The following GRIK1 variants were observed in gnomAD, a reference collection of about 807,000 sequenced individuals.
GRIK1 encodes glutamate ionotropic receptor kainate type subunit 1.
In GRIK1, 69 loss-of-function variants were observed where a neutral mutation model predicts 105.7. The ratio of observed to expected loss-of-function variants is 0.65; its 90% CI spans 0.54 to 0.80. GRIK1 has a LOEUF of 0.80. Among genes scored for constraint, GRIK1 ranks in the 30% least tolerant of loss-of-function variants. The pLI is 0.00. For synonymous variants in GRIK1, 438 were observed against 431.3 expected (o/e 1.02, Z -0.19); for missense variants, 1,109 against 1,167.3 (o/e 0.95, Z 0.73).
chr21:29,716,952 G>A (rs1486494569), intron 1 of GRIK1, among the ~76,000 whole-genome samples: 4 of 152,142 alleles, frequency 2.6e-5, no homozygotes, highest in African/African-American at 4.8e-5. Flanking sequence ...GTGGTCTCCC[G>A]CTCTGTACAG....
intron 16 of GRIK1, 119 bp downstream of exon 16, chr21:29,554,933 G>A (rs1232223208): frequency 1.3e-6 from 1 of 757,668 alleles, no homozygotes; most frequent in East Asian, 2.6e-5. Context: ...ACTCAAAAAT[G>A]GCTCTTCTGG....
intron 13 of GRIK1, 58 bp downstream of exon 13, chr21:29,581,367 A>G: frequency 1.0e-6 from 1 of 982,388 alleles, no homozygotes; most frequent in South Asian, 1.3e-5. Context: ...GTTTACCAGC[A>G]TGAAAGCCTG....
intron 7 of GRIK1, among the ~76,000 whole-genome samples, chr21:29,621,100 T>A (rs1048793693): frequency 1.3e-4 from 20 of 152,098 alleles, no homozygotes; most frequent in Non-Finnish European, 1.5e-5. Context: ...TGAATTAATT[T>A]AGCCAACAAT....
chr21:29,816,974 G>T (rs2067170568), intron 1 of GRIK1, among the ~76,000 whole-genome samples: 1 of 152,098 alleles, frequency 6.6e-6, no homozygotes, highest in Non-Finnish European at 1.5e-5. Flanking sequence ...AGTTTGATGT[G>T]ATAGATATTC....
At chr21:29,923,624 A>C (rs780525938) in intron 1 of GRIK1, among the ~76,000 whole-genome samples, 2 of 152,216 alleles carry the variant, frequency 1.3e-5, no homozygotes, top group African/African-American at 2.4e-5. Context: ...AAAACCTTAA[A>C]CCAAACACGC....
At chr21:29,789,840 A>G (rs552491673) in intron 1 of GRIK1, among the ~76,000 whole-genome samples, 1 of 152,324 alleles carries the variant, frequency 6.6e-6, no homozygotes, top group African/African-American at 2.4e-5. Flanking sequence ...GGTAATGGGG[A>G]AACCAGTGTT....
At chr21:29,624,764 A>G (rs2062084260) in intron 7 of GRIK1, among the ~76,000 whole-genome samples, 1 of 152,260 alleles carries the variant, frequency 6.6e-6, no homozygotes, top group African/African-American at 2.4e-5. Context: ...AATGTAGATG[A>G]CTAAAGCCCA....
At chr21:29,628,921 A>C (rs541577479) in intron 7 of GRIK1, among the ~76,000 whole-genome samples, 1 of 152,266 alleles carries the variant, frequency 6.6e-6, no homozygotes, top group East Asian at 1.9e-4. Flanking sequence ...CATGGGTTGA[A>C]TTCATGTCTT....
intron 1 of GRIK1, among the ~76,000 whole-genome samples, chr21:29,846,573 T>A (rs2068132874): frequency 6.6e-6 from 1 of 152,204 alleles, no homozygotes; most frequent in Non-Finnish European, 1.5e-5. Context: ...TGAGATGCAC[T>A]AAGGACATCC....
chr21:29,752,780 T>G (rs971991455), intron 1 of GRIK1, among the ~76,000 whole-genome samples: 2 of 152,198 alleles, frequency 1.3e-5, no homozygotes, highest in Non-Finnish European at 2.9e-5. Flanking sequence ...AAGGCTACAG[T>G]GAACTAGGAT....
intron 1 of GRIK1, among the ~76,000 whole-genome samples, chr21:29,700,010 A>T (rs1046524577): frequency 6.6e-6 from 1 of 152,180 alleles, no homozygotes; most frequent in African/African-American, 2.4e-5. Flanking sequence ...AGGAACTCAC[A>T]TATATTCAAG....
intron 1 of GRIK1, among the ~76,000 whole-genome samples, chr21:29,827,745 T>C (rs1215245489): frequency 6.6e-6 from 1 of 152,144 alleles, no homozygotes; most frequent in Non-Finnish European, 1.5e-5. Flanking sequence ...CCGTTACCCA[T>C]TGCTGTTCAA....
chr21:29,579,820 A>T lies in GRIK1; in HGVS notation c.1912+1605T>A, dbSNP rs147247820. Among the ~76,000 whole-genome samples, 22 of 152,144 alleles carry T rather than the reference A, an allele frequency of 1.4e-4. 2 individuals are homozygous for T. Among genetic ancestry groups the T allele is most frequent in the African/African-American group, 5.1e-4 (21 of 41,496 alleles). On this transcript the variant is annotated intron_variant, in intron 13 of 17. Transcript: ENST00000327783. ...TGCATCCCACAGTGTGCTGTGGATGATGGTAAACTCCAAACAGGTAAAAGA... is the reference window on the plus strand; with the variant it reads ...TGCATCCCACAGTGTGCTGTGGATGTTGGTAAACTCCAAACAGGTAAAAGA...
intron 1 of GRIK1, among the ~76,000 whole-genome samples, chr21:29,757,385 A>G (rs2065377512): frequency 6.6e-6 from 1 of 152,226 alleles, no homozygotes; most frequent in African/African-American, 2.4e-5. Flanking sequence ...ACATAGTGCT[A>G]ATATTATAAT....
At chr21:29,900,717 TAGAC>T (rs2070368572) in intron 1 of GRIK1, among the ~76,000 whole-genome samples, 1 of 152,098 alleles carries the variant, frequency 6.6e-6, no homozygotes, top group South Asian at 2.1e-4. Flanking sequence ...CTGTCAATAT[TAGAC>T]AGAGCAACGA....
At chr21:29,923,637 A>G (rs952495811) in intron 1 of GRIK1, among the ~76,000 whole-genome samples, 1 of 152,214 alleles carries the variant, frequency 6.6e-6, no homozygotes, top group African/African-American at 2.4e-5. Context: ...AAACACGCCA[A>G]TGTTTCAGGT....
intron 3 of GRIK1, among the ~76,000 whole-genome samples, chr21:29,674,749 C>T (rs143856322): frequency 2.7e-4 from 41 of 152,290 alleles, no homozygotes; most frequent in African/African-American, 9.6e-4. Context: ...CCTCCCCAGC[C>T]ATGTGGAAAT....
chr21:29,913,756 A>G (rs1256982220), intron 1 of GRIK1, among the ~76,000 whole-genome samples: 2 of 151,590 alleles, frequency 1.3e-5, no homozygotes, highest in Non-Finnish European at 2.9e-5. Context: ...AAGTGATTAA[A>G]TCTTATGGCA....
chr21:29,899,656 C>T (rs751584006), intron 1 of GRIK1, among the ~76,000 whole-genome samples: 81 of 151,710 alleles, frequency 5.3e-4, no homozygotes, highest in Non-Finnish European at 9.7e-4. Context: ...TAGAGAATAA[C>T]CTCAAGGGGA....
Sources: gnomAD v4.1 joint callset for allele counts (sites outside exome capture counted in the v4.1 genomes callset) on GRCh38, gnomAD v4.1.1 for gene constraint, MANE v1.5 for transcripts, NCBI Gene and HGNC (gene_info 2026-07-23, HGNC 2026-07-21) for gene names.